GNAL: variants seen among roughly 807,000 people sequenced by gnomAD.
GNAL encodes the protein guanine nucleotide-binding protein G(olf) subunit alpha.
A neutral mutation model predicts 55.1 loss-of-function variants in GNAL; 18 were observed. That is an observed-to-expected ratio of 0.33 (90% confidence interval 0.23 to 0.48). GNAL has a LOEUF of 0.48. Among genes scored for constraint, GNAL ranks in the 20% least tolerant of loss-of-function variants. The pLI is 0.99. For missense variants in GNAL, 412 were observed against 614.1 expected (o/e 0.67, Z 3.48); for synonymous variants, 253 against 237.0 (o/e 1.07, Z -0.62).
intron 10 of GNAL, among the ~76,000 whole-genome samples, chr18:11,873,525 A>G (rs1210230050): frequency 6.6e-6 from 1 of 152,230 alleles, no homozygotes; most frequent in Non-Finnish European, 1.5e-5. Context: ...CACCAGACCC[A>G]GCTGCTTTCA....
Position 11,752,785 on chromosome 18 carries a change from CGG to C in GNAL, c.377-67_377-66del. On this transcript the variant is annotated intron_variant, in intron 1 of 11. Transcript: ENST00000334049. The surrounding 1 kb of genome is among the most constrained non-coding windows in gnomAD (Gnocchi z 4.5). ...CTGGGGGAGGAGGATTGCTCAGACCCGGCTAGTGGTGAGAGATGGCAGCGATA... is the reference window on the plus strand; with the variant it reads ...CTGGGGGAGGAGGATTGCTCAGACCCCTAGTGGTGAGAGATGGCAGCGATA... The C allele has an allele frequency of 8.1e-7, 1 of 1,235,812 alleles. No individual in the cohort carries two copies. Among genetic ancestry groups the C allele is most frequent in the Middle Eastern group, 2.4e-4 (1 of 4,224 alleles). 76.6% of individuals were successfully genotyped at this position (1,235,812 alleles called of 1,614,324 possible). A position where few individuals can be genotyped will look rare whatever the true frequency, so the allele number is the denominator to read the frequency against.
At chr18:11,822,206 G>T (rs2035114493) in intron 4 of GNAL, among the ~76,000 whole-genome samples, 1 of 152,150 alleles carries the variant, frequency 6.6e-6, no homozygotes, top group Non-Finnish European at 1.5e-5. Flanking sequence ...CGTGGTGGGC[G>T]CGCCTGTGGA....
chr18:11,871,937 T>C (rs1334992386), intron 9 of GNAL, among the ~76,000 whole-genome samples: 1 of 152,258 alleles, frequency 6.6e-6, no homozygotes, highest in East Asian at 1.9e-4. Context: ...AGTTGCATTA[T>C]ACTTACTAGT....
At chr18:11,863,209 G>A (rs887203600) in intron 6 of GNAL, among the ~76,000 whole-genome samples, 11 of 152,146 alleles carry the variant, frequency 7.2e-5, no homozygotes, top group African/African-American at 2.7e-4. Flanking sequence ...AGCAGAGAGG[G>A]AATCTTTGTG....
intron 1 of GNAL, among the ~76,000 whole-genome samples, chr18:11,726,489 G>C (rs1344670701): frequency 6.6e-6 from 1 of 152,246 alleles, no homozygotes; most frequent in East Asian, 1.9e-4. Context: ...GCAGAATTCA[G>C]TGAGCAGGAG....
intron 5 of GNAL, chr18:11,852,355 C>T (rs192920920): frequency 1.4e-5 from 7 of 504,522 alleles, no homozygotes; most frequent in African/African-American, 7.7e-5. Context: ...TTTAACAGAA[C>T]TAGTTAATTT....
At chr18:11,871,713 C>G (rs2036402642) in intron 9 of GNAL, among the ~76,000 whole-genome samples, 1 of 152,218 alleles carries the variant, frequency 6.6e-6, no homozygotes, top group Non-Finnish European at 1.5e-5. Context: ...ACTTTCACTT[C>G]TAATGTGAGT....
At chr18:11,742,726 G>A (rs780559888) in intron 1 of GNAL, among the ~76,000 whole-genome samples, 7 of 152,196 alleles carry the variant, frequency 4.6e-5, no homozygotes, top group African/African-American at 1.4e-4. Flanking sequence ...CATGTGGTCC[G>A]ACCCCACCAC....
intron 5 of GNAL, among the ~76,000 whole-genome samples, chr18:11,826,284 G>GA (rs2035242765): frequency 4.6e-5 from 1 of 21,850 alleles, no homozygotes; most frequent in African/African-American, 7.6e-5. Flanking sequence ...AGGAGGAGGA[G>GA]CGGGGAGGGG....
rs1270140505 is a variant in GNAL at position 11,689,735 on chromosome 18, G to A, written c.172G>A (p.Glu58Lys). ...TARTLLPRGG[E>K]GSPACARPKA... ...CCGGACCCTGCTCCCTCGGGGCGGC[G>A]AAGGGAGCCCGGCATGCGCTCGGCC... Residue 58 changes from glutamate to lysine, a missense_variant, in exon 1 of 12, where the codon GAA becomes AAA. Physicochemically the swap from Glu to Lys is moderately conservative, Grantham distance 56 (BLOSUM62 1). Transcript: ENST00000334049. 23 of 1,502,312 alleles carry A rather than the reference G, an allele frequency of 1.5e-5. No homozygotes were observed. The highest frequency in any genetic ancestry group is 1.9e-5 in the Non-Finnish European group (22 of 1,129,746). 93.1% of individuals were successfully genotyped at this position (1,502,312 alleles called of 1,614,324 possible).
intron 1 of GNAL, among the ~76,000 whole-genome samples, chr18:11,710,765 A>G (rs981446501): frequency 2.6e-5 from 4 of 152,116 alleles, no homozygotes; most frequent in Non-Finnish European, 4.4e-5. Context: ...ATCTGCCAAT[A>G]GTCTTATGAG....
rs78167172 is a variant in GNAL at position 11,752,463 on chromosome 18, G to T, written c.377-390G>T. On this transcript the variant is annotated intron_variant, in intron 1 of 11. Coordinates refer to ENST00000334049, the MANE Select transcript of GNAL (RefSeq NM_182978.4). This position sits in a 1 kb window ranked among gnomAD's most constrained non-coding sequence, Gnocchi z 4.5. ...GGTGTTTGGGCGGCAACAGCAAGAC[G>T]ACGGAAGACCAGGGCGTCGATGAAA... is the stretch of plus-strand genomic sequence containing the variant. The T allele has an allele frequency of 5.0e-4, 814 of 1,611,938 alleles. 17 individuals carry two copies. In the East Asian group the frequency reaches 0.018, roughly 36 times the overall value.
intron 10 of GNAL, among the ~76,000 whole-genome samples, chr18:11,872,900 C>G (rs1442814939): frequency 6.6e-6 from 1 of 152,254 alleles, no homozygotes; most frequent in African/African-American, 2.4e-5. Context: ...CCCATGCTGG[C>G]AGCAGCCGCG....
chr18:11,875,523 A>G (rs1212481692), intron 10 of GNAL, among the ~76,000 whole-genome samples: 1 of 152,134 alleles, frequency 6.6e-6, no homozygotes, highest in African/African-American at 2.4e-5. Flanking sequence ...ACTGTTTTCA[A>G]GATAGTGAAT....
At position 11,705,786 on chromosome 18, in the gene GNAL, C is replaced by T. The variant is rs113724192; in HGVS notation, c.376+15847C>T. Among the ~76,000 whole-genome samples the T allele has an allele frequency of 9.1e-3, 1,311 of 144,014 alleles. 16 individuals are homozygous for T. Among genetic ancestry groups the T allele is most frequent in the African/African-American group, 0.032 (1,231 of 38,666 alleles). 94.5% of individuals were successfully genotyped at this position (144,014 alleles called of 152,430 possible). ...TTTTTTTTTTTCTGAGACAGAGCCT[C>T]GCTCTGTCACCCAGGCTGGATTGCA... On this transcript the variant is annotated intron_variant, in intron 1 of 11. Transcript: ENST00000334049.
intron 11 of GNAL, among the ~76,000 whole-genome samples, chr18:11,879,254 A>G (rs2036605159): frequency 6.6e-6 from 1 of 151,854 alleles, no homozygotes; most frequent in South Asian, 2.1e-4. Context: ...TCTTTAGGAT[A>G]CCCTTTCTGT....
chr18:11,879,737 A>C (rs543608409), intron 11 of GNAL, among the ~76,000 whole-genome samples: 1 of 152,302 alleles, frequency 6.6e-6, no homozygotes, highest in Non-Finnish European at 1.5e-5. Context: ...TTCATAGTGC[A>C]CATTAGCACA....
Position 11,824,955 on chromosome 18 carries a change from A to C in GNAL, c.662A>C (p.Glu221Ala). ...CATGTGAAAAAACTTTGGGACGATG[A>C]AGGCGTGAAGGCATGCTTTGAGAGA... is the stretch of plus-strand genomic sequence containing the variant. ...FDHVKKLWDD[E>A]GVKACFERSN... The change falls in exon 5 of 12, where the codon GAA (glutamate) becomes GCA (alanine). Residue 221 changes from glutamate (E) to alanine (A), a missense_variant. By Grantham distance (107) the Glu-to-Ala change is moderately radical. Transcript: ENST00000334049. 1.9e-6 allele frequency: 3 copies of C among 1,605,830 alleles called. No individual in the cohort carries two copies. Among genetic ancestry groups the C allele is most frequent in the Non-Finnish European group, 2.6e-6 (3 of 1,174,144 alleles).
At chr18:11,768,579 C>T (rs1299332191) in intron 4 of GNAL, among the ~76,000 whole-genome samples, 6 of 150,760 alleles carry the variant, frequency 4.0e-5, no homozygotes, top group African/African-American at 1.5e-4. Context: ...CCAGCCTGGG[C>T]AACAAGAGCG....
Sources: allele counts gnomAD v4.1 joint callset (sites outside exome capture counted in the v4.1 genomes callset), GRCh38; gene constraint gnomAD v4.1.1; non-coding constraint Gnocchi (gnomAD v3.1); transcripts MANE v1.5; gene names NCBI Gene and HGNC (gene_info 2026-07-23, HGNC 2026-07-21).